The following SSTR3 variants were observed in gnomAD, a reference collection of about 807,000 sequenced individuals.
SSTR3 encodes somatostatin receptor type 3.
For synonymous variants in SSTR3, 281 were observed against 269.2 expected (o/e 1.04, Z -0.43); for missense variants, 504 against 604.7 (o/e 0.83, Z 1.75).
upstream of SSTR3, among the ~76,000 whole-genome samples, chr22:37,215,088 A>G (rs1926379886): frequency 6.6e-6 from 1 of 152,226 alleles, no homozygotes; most frequent in African/African-American, 2.4e-5. Context: ...TACTGTTTGC[A>G]AGTAAATTTA....
rs1406460104 is a variant in SSTR3 at position 37,206,241 on chromosome 22, G to C, written c.*306C>G. 3.0e-6 allele frequency: 1 copy of C among 334,682 alleles called. No individual in the cohort carries two copies. The highest frequency in any genetic ancestry group is 5.2e-5 in the East Asian group (1 of 19,078). The allele number at this position is 334,682 out of a possible 1,614,324, so 20.7% of individuals were successfully genotyped here. ...CCAAGACACTCCATCCCTGGGGGGA[G>C]GCCAGTCTGCACCCACCTTTTGCCT... On this transcript the variant is annotated 3_prime_UTR_variant, in exon 2 of 2. Transcript: ENST00000610913.
At chr22:37,218,084 G>T in the SSTR3 span, among the ~76,000 whole-genome samples, 1 of 152,216 alleles carries the variant, frequency 6.6e-6, no homozygotes, top group Non-Finnish European at 1.5e-5. Context: ...ATCTCTTCAA[G>T]GATGGCAATG....
At chr22:37,216,002 C>A (rs762921), upstream of SSTR3, 53,047 of 162,274 alleles carry the variant, frequency 0.33, 9,322 homozygotes, top group Non-Finnish European at 0.39. Context: ...ATACAATATA[C>A]AATAAAACAA....
chr22:37,214,292 C>T (rs1404106735), upstream of SSTR3, among the ~76,000 whole-genome samples: 1 of 152,220 alleles, frequency 6.6e-6, no homozygotes, highest in Non-Finnish European at 1.5e-5. Context: ...TCTGACCTCC[C>T]CTTTTCTTCC....
Position 37,207,018 on chromosome 22 carries a change from C to G in SSTR3, c.786G>C (p.Val262=). ...TCCAGCAGAGCACGAAGAGCGCCAC[C>G]ACGGCCACCACCATGCGCGTGACCC... ...ERRVTRMVVA[V]VALFVLCWMP... The change falls in exon 2 of 2, where the codon GTG becomes GTC. Residue 262 remains valine, a synonymous_variant. Transcript: ENST00000610913. 1.9e-6 allele frequency: 3 copies of G among 1,612,670 alleles called. No individual in the cohort carries two copies. The highest frequency in any genetic ancestry group is 2.5e-6 in the Non-Finnish European group (3 of 1,179,682).
Position 37,207,502 on chromosome 22 carries a change from G to T in SSTR3, c.302C>A (p.Ala101Asp). ...CCAGTAGGACAGGGCGTTCTGGGCG[G>T]CCAGGAAGGGCAGCCCCAGCATGAA... ...ELFMLGLPFL[A>D]AQNALSYWPF... is the part of the protein sequence containing the mutation. The change falls in exon 2 of 2, where the codon GCC becomes GAC. Residue 101 changes from alanine to aspartate, a missense_variant. By Grantham distance (126) the Ala-to-Asp change is moderately radical. Coordinates refer to ENST00000610913, the MANE Select transcript of SSTR3 (RefSeq NM_001051.5). The T allele has an allele frequency of 6.2e-7, 1 of 1,613,578 alleles. No individual in the cohort carries two copies. The highest frequency in any genetic ancestry group is 8.5e-7 in the Non-Finnish European group (1 of 1,179,984).
At chr22:37,219,700 A>AC in the SSTR3 span, among the ~76,000 whole-genome samples, 61 of 152,160 alleles carry the variant, frequency 4.0e-4, no homozygotes, top group Non-Finnish European at 8.1e-4. Flanking sequence ...GTCACAAACC[A>AC]CCCCAAAATG....
rs1424331811 is a variant in SSTR3 at position 37,204,575 on chromosome 22, C to T, written c.*1972G>A. ...CCTCTGACCCCCCAACTGCCCATTT[C>T]TCATGGCCTACAGTGTCCTCACCCC... On this transcript the variant is annotated 3_prime_UTR_variant, in exon 2 of 2. Coordinates refer to ENST00000610913, the MANE Select transcript of SSTR3 (RefSeq NM_001051.5). The T allele has an allele frequency of 6.6e-6, 1 of 152,354 alleles. No individual in the cohort carries two copies. Among genetic ancestry groups the T allele is most frequent in the Admixed American group, 6.5e-5 (1 of 15,290 alleles). 9.4% of individuals were successfully genotyped at this position (152,354 alleles called of 1,614,324 possible). A position where few individuals can be genotyped will look rare whatever the true frequency, so the allele number is the denominator to read the frequency against.
chr22:37,214,052 G>A (rs1234972408), upstream of SSTR3, among the ~76,000 whole-genome samples: 5 of 152,130 alleles, frequency 3.3e-5, no homozygotes, highest in Admixed American at 2.0e-4. Flanking sequence ...GGGTTCTTGC[G>A]AAGGTTAAAG....
Position 37,207,217 on chromosome 22 carries a change from G to T in SSTR3, c.587C>A (p.Pro196His), listed in dbSNP as rs1925862847. ...RGMSTCHMQW[P>H]EPAAAWRAGF... ...GGCTCGCCAGGCCGCCGCCGGCTCG[G>T]GCCACTGCATGTGGCAGGTGCTCAT... is the stretch of plus-strand genomic sequence containing the variant. The change falls in exon 2 of 2, where the codon CCC (proline) becomes CAC (histidine). Residue 196 changes from proline to histidine, a missense_variant. By Grantham distance (77) the Pro-to-His change is moderately conservative (BLOSUM62 -2). Transcript: ENST00000610913. The T allele has an allele frequency of 6.2e-7, 1 of 1,610,148 alleles. No individual in the cohort carries two copies. The highest frequency in any genetic ancestry group is 8.5e-7 in the Non-Finnish European group (1 of 1,178,600).
chr22:37,211,370 C>T (rs1244018242), intron 1 of SSTR3, among the ~76,000 whole-genome samples: 3 of 152,218 alleles, frequency 2.0e-5, no homozygotes, highest in African/African-American at 7.2e-5. Flanking sequence ...TGCTGCACAG[C>T]GATGATGCCA....
intron 1 of SSTR3, among the ~76,000 whole-genome samples, chr22:37,211,289 AC>A (rs1926175072): frequency 6.6e-6 from 1 of 152,056 alleles, no homozygotes; most frequent in South Asian, 2.1e-4. Flanking sequence ...CGACTGACTC[AC>A]TGGCACCCCA....
intron 1 of SSTR3, among the ~76,000 whole-genome samples, chr22:37,211,305 T>G (rs1392076505): frequency 4.6e-5 from 7 of 152,160 alleles, no homozygotes; most frequent in African/African-American, 1.7e-4. Flanking sequence ...ACCCCAGGCC[T>G]GGGGCCTGAT....
chr22:37,213,789 G>T (rs367568567), upstream of SSTR3, among the ~76,000 whole-genome samples: 1 of 151,940 alleles, frequency 6.6e-6, no homozygotes, highest in Non-Finnish European at 1.5e-5. Context: ...CTCTCTCGCC[G>T]CAGCCCACCT....
At chr22:37,214,346 T>G (rs1480491783), upstream of SSTR3, among the ~76,000 whole-genome samples, 1 of 152,220 alleles carries the variant, frequency 6.6e-6, no homozygotes, top group Non-Finnish European at 1.5e-5. Context: ...GCCCTCCCTA[T>G]GCCAGGAGGA....
Position 37,212,115 on chromosome 22 carries a change from G to A in SSTR3, c.-327C>T, listed in dbSNP as rs1926227970. On this transcript the variant is annotated 5_prime_UTR_variant, in exon 1 of 2. Transcript: ENST00000610913. The stretch of plus-strand genomic sequence containing the variant: ...GGGGGGCAGGGGCAAGGATAGGGGG[G>A]AGAAGCTTCCCAGGGTGAGGAAGAG... The A allele has an allele frequency of 2.0e-6, 2 of 985,298 alleles. No individual in the cohort carries two copies. Among genetic ancestry groups the A allele is most frequent in the African/African-American group, 1.7e-5 (1 of 57,156 alleles). The allele number at this position is 985,298 out of a possible 1,614,324, so 61.0% of individuals were successfully genotyped here. A position where few individuals can be genotyped will look rare whatever the true frequency, so the allele number is the denominator to read the frequency against.
upstream of SSTR3, among the ~76,000 whole-genome samples, chr22:37,213,324 G>C (rs1926297371): frequency 6.6e-6 from 1 of 152,202 alleles, no homozygotes; most frequent in Admixed American, 6.5e-5. Flanking sequence ...CCTCAGCACA[G>C]GAGTGATAAG....
At chr22:37,212,910 G>A (rs1286949873), upstream of SSTR3, among the ~76,000 whole-genome samples, 1 of 152,192 alleles carries the variant, frequency 6.6e-6, no homozygotes, top group Non-Finnish European at 1.5e-5. Flanking sequence ...AGGAGTGGAA[G>A]GACAGAACAG....
upstream of SSTR3, among the ~76,000 whole-genome samples, chr22:37,215,198 T>TA (rs1485272450): frequency 1.3e-5 from 2 of 152,196 alleles, no homozygotes; most frequent in African/African-American, 4.8e-5. Flanking sequence ...ATAGTGAACC[T>TA]GTATATATAT....
Sources: allele counts gnomAD v4.1 joint callset (sites outside exome capture counted in the v4.1 genomes callset), GRCh38; gene constraint gnomAD v4.1.1; transcripts MANE v1.5; gene names NCBI Gene and HGNC (gene_info 2026-07-23, HGNC 2026-07-21).